TFCP2L1: variants seen among roughly 807,000 people sequenced by gnomAD.
TFCP2L1 encodes the protein transcription factor CP2 like 1.
A neutral mutation model predicts 72.2 loss-of-function variants in TFCP2L1; 12 were observed. The observed-to-expected ratio is 0.17, with a 90% CI of 0.11 to 0.27. The LOEUF (loss-of-function observed/expected upper bound fraction) is 0.27. TFCP2L1 is among the 10% of genes least tolerant of loss of function. The probability of loss-of-function intolerance (pLI) is 1.00; values close to 1 mark genes in which losing one functional copy is unlikely to be tolerated. For missense variants in TFCP2L1, 488 were observed against 624.6 expected (o/e 0.78, Z 2.33); for synonymous variants, 260 against 251.0 (o/e 1.04, Z -0.34).
chr2:121,259,404 G>GCTATAGATATATATACAT (rs1186263221), intron 2 of TFCP2L1, among the ~76,000 whole-genome samples: 1 of 152,168 alleles, frequency 6.6e-6, no homozygotes, highest in Non-Finnish European at 1.5e-5. Context: ...CCTTTATAGA[G>GCTATAGATATATATACAT]CTATAGATAT....
chr2:121,230,097 G>A (rs1686110143), intron 13 of TFCP2L1, among the ~76,000 whole-genome samples: 1 of 152,178 alleles, frequency 6.6e-6, no homozygotes, highest in South Asian at 2.1e-4. Context: ...CTCGGGGTCT[G>A]CTGGGGGCTG....
At chr2:121,266,790 CACTTCA>C (rs764938247) in intron 2 of TFCP2L1, among the ~76,000 whole-genome samples, 5 of 152,288 alleles carry the variant, frequency 3.3e-5, no homozygotes, top group African/African-American at 4.8e-5. Flanking sequence ...CTTTATGACA[CACTTCA>C]ACTTCAACAG....
intron 3 of TFCP2L1, among the ~76,000 whole-genome samples, chr2:121,249,354 T>C (rs888721789): frequency 2.6e-5 from 4 of 152,156 alleles, no homozygotes; most frequent in Non-Finnish European, 5.9e-5. Context: ...AAACTGCAGC[T>C]CAGAAAAGTT....
Position 121,224,026 on chromosome 2 carries a change from T to G in TFCP2L1, c.*315A>C. ...ACCCAATCAGCTTCCAACTAAGGGA[T>G]GAGGGATTTCAGAGCAGACGTCTCC... On this transcript the variant is annotated 3_prime_UTR_variant, in exon 15 of 15. Transcript: ENST00000263707. The G allele has an allele frequency of 7.8e-6, 3 of 382,206 alleles. No homozygotes were observed. Among genetic ancestry groups the G allele is most frequent in the Non-Finnish European group, 9.6e-6 (2 of 209,232 alleles). The allele number at this position is 382,206 out of a possible 1,614,324, so 23.7% of individuals were successfully genotyped here.
chr2:121,262,693 T>G (rs1272385979), intron 2 of TFCP2L1, among the ~76,000 whole-genome samples: 1 of 151,388 alleles, frequency 6.6e-6, no homozygotes, highest in South Asian at 2.1e-4. Flanking sequence ...CTGGTTTCAG[T>G]AATTGTACCA....
At chr2:121,250,476 TCAAATGATGC>T (rs1452926502) in intron 2 of TFCP2L1, among the ~76,000 whole-genome samples, 1 of 151,742 alleles carries the variant, frequency 6.6e-6, no homozygotes, top group East Asian at 1.9e-4. Context: ...TATATATAAC[TCAAATGATGC>T]CAATTTTCCC....
At chr2:121,242,676 T>C (rs574593650) in intron 6 of TFCP2L1, among the ~76,000 whole-genome samples, 1 of 152,116 alleles carries the variant, frequency 6.6e-6, no homozygotes, top group Non-Finnish European at 1.5e-5. Flanking sequence ...ACTCTGCTGC[T>C]CAAGGGGAAA....
At chr2:121,257,873 C>T (rs1237985828) in intron 2 of TFCP2L1, among the ~76,000 whole-genome samples, 1 of 122,934 alleles carries the variant, frequency 8.1e-6, no homozygotes, top group East Asian at 2.5e-4. Context: ...CCCACCCCTC[C>T]CTCCTTGAAT....
intron 2 of TFCP2L1, among the ~76,000 whole-genome samples, chr2:121,274,343 T>C (rs1483640255): frequency 6.6e-6 from 1 of 152,162 alleles, no homozygotes; most frequent in African/African-American, 2.4e-5. Flanking sequence ...ATCCAAAACC[T>C]GAAACTTTTT....
chr2:121,274,437 T>G (rs1687106992), intron 2 of TFCP2L1, among the ~76,000 whole-genome samples: 1 of 152,154 alleles, frequency 6.6e-6, no homozygotes, highest in Admixed American at 6.5e-5. Context: ...AAGCTTTGTT[T>G]TATAAACAAA....
chr2:121,242,777 CAGAGGAA>C (rs1432494607), intron 6 of TFCP2L1, among the ~76,000 whole-genome samples: 1 of 152,170 alleles, frequency 6.6e-6, no homozygotes, highest in Non-Finnish European at 1.5e-5. Context: ...CCAGGGAGAG[CAGAGGAA>C]AGTGGAAGAA....
chr2:121,284,510 C>T (rs938413803), intron 1 of TFCP2L1, among the ~76,000 whole-genome samples: 1 of 152,332 alleles, frequency 6.6e-6, no homozygotes, highest in South Asian at 2.1e-4. Flanking sequence ...CGGGCGAACA[C>T]GCGCAAGACC....
intron 2 of TFCP2L1, among the ~76,000 whole-genome samples, chr2:121,250,884 C>T (rs1435204391): frequency 3.3e-5 from 5 of 151,714 alleles, no homozygotes; most frequent in East Asian, 3.9e-4. Flanking sequence ...GGATTACAGG[C>T]GTGAGCCACC....
intron 2 of TFCP2L1, among the ~76,000 whole-genome samples, chr2:121,273,828 C>T (rs1687092258): frequency 6.6e-6 from 1 of 152,148 alleles, no homozygotes; most frequent in Admixed American, 6.5e-5. Context: ...TGTGTCAAAA[C>T]TACTTTTTAA....
In TFCP2L1 at chr2:121,219,987, C is replaced by G. The variant is rs1685900729; in HGVS notation, c.*4354G>C. 2 of 152,188 alleles carry G rather than the reference C, an allele frequency of 1.3e-5. No homozygotes were observed. The highest frequency in any genetic ancestry group is 2.9e-5 in the Non-Finnish European group (2 of 68,054). 9.4% of individuals were successfully genotyped at this position (152,188 alleles called of 1,614,324 possible). A position where few individuals can be genotyped will look rare whatever the true frequency, so the allele number is the denominator to read the frequency against. ...CTTCCTACACCCCAGGCAGTGTCAA[C>G]ATCTAATCCCCCACCCCCGCCCAAT... On this transcript the variant is annotated 3_prime_UTR_variant, in exon 15 of 15. Coordinates refer to ENST00000263707, the MANE Select transcript of TFCP2L1 (RefSeq NM_014553.3).
intron 6 of TFCP2L1, among the ~76,000 whole-genome samples, chr2:121,243,124 A>C (rs925843800): frequency 4.6e-5 from 7 of 152,222 alleles, no homozygotes; most frequent in Non-Finnish European, 1.0e-4. Context: ...CTGGCCCTGC[A>C]GGTACCACCA....
chr2:121,268,966 A>AATGT (rs1425221929), intron 2 of TFCP2L1, among the ~76,000 whole-genome samples: 2 of 151,824 alleles, frequency 1.3e-5, no homozygotes, highest in Non-Finnish European at 2.9e-5. Flanking sequence ...TTGGAGCCCT[A>AATGT]ATGTATTCCT....
At chr2:121,275,260 TGTAGTCGCGGC>T (rs1314874932) in intron 2 of TFCP2L1, among the ~76,000 whole-genome samples, 14 of 7,290 alleles carry the variant, frequency 1.9e-3, no homozygotes, top group African/African-American at 0.019. Context: ...GGCGGGCGCC[TGTAGTCGCGGC>T]GCCTGTAGTC....
intron 3 of TFCP2L1, 137 bp from the exon 4 acceptor site, chr2:121,249,224 T>C (rs1342479476): frequency 1.6e-6 from 1 of 637,566 alleles, no homozygotes; most frequent in Non-Finnish European, 2.7e-6. Context: ...TTCTCAAGCT[T>C]TGCCCACTGT....
Sources: gnomAD v4.1 joint callset for allele counts (sites outside exome capture counted in the v4.1 genomes callset) on GRCh38, gnomAD v4.1.1 for gene constraint, MANE v1.5 for transcripts, NCBI Gene and HGNC (gene_info 2026-07-23, HGNC 2026-07-21) for gene names.